EXOC6B: variants seen among roughly 807,000 people sequenced by gnomAD.
EXOC6B encodes the protein exocyst complex component 6B, also known as SEC15 homolog B.
In EXOC6B, 54 loss-of-function variants were observed where a neutral mutation model predicts 113.5. That is an observed-to-expected ratio of 0.48 (90% CI 0.38 to 0.60). The LOEUF (loss-of-function observed/expected upper bound fraction) is 0.60. Ranked by LOEUF, EXOC6B falls within the 20% of genes least tolerant of loss-of-function variation. The pLI is 0.00. For synonymous variants in EXOC6B, 357 were observed against 339.0 expected (o/e 1.05, Z -0.58); for missense variants, 797 against 977.5 (o/e 0.82, Z 2.46).
At chr2:72,556,156 A>G (rs890099774) in intron 8 of EXOC6B, among the ~76,000 whole-genome samples, 1 of 152,214 alleles carries the variant, frequency 6.6e-6, no homozygotes, top group Non-Finnish European at 1.5e-5. Flanking sequence ...GAAATGCTAA[A>G]GGCATTTTTC....
At chr2:72,647,301 T>C (rs922900361) in intron 6 of EXOC6B, among the ~76,000 whole-genome samples, 1 of 152,090 alleles carries the variant, frequency 6.6e-6, no homozygotes, top group Non-Finnish European at 1.5e-5. Flanking sequence ...TGGAAGAACA[T>C]TCAATGCTCA....
chr2:72,634,639 T>A (rs1573525646), intron 6 of EXOC6B, among the ~76,000 whole-genome samples: 1 of 152,102 alleles, frequency 6.6e-6, no homozygotes, highest in South Asian at 2.1e-4. Context: ...CAACAACTGG[T>A]AGAACAATTA....
chr2:72,599,734 T>G (rs566626232), intron 6 of EXOC6B, among the ~76,000 whole-genome samples: 1 of 152,098 alleles, frequency 6.6e-6, no homozygotes, highest in African/African-American at 2.4e-5. Flanking sequence ...CAAAAGTCAG[T>G]TGCTTTACTA....
At chr2:72,444,884 A>T (rs775942164) in intron 18 of EXOC6B, among the ~76,000 whole-genome samples, 1 of 152,204 alleles carries the variant, frequency 6.6e-6, no homozygotes, top group Non-Finnish European at 1.5e-5. Context: ...CATACCCTGG[A>T]GACATTTTTC....
intron 20 of EXOC6B, among the ~76,000 whole-genome samples, chr2:72,285,039 G>T (rs896879288): frequency 6.6e-6 from 1 of 152,028 alleles, no homozygotes; most frequent in African/African-American, 2.4e-5. Flanking sequence ...CAAGATATCA[G>T]TTCTTTCCAA....
chr2:72,372,697 T>C (rs879508160), intron 19 of EXOC6B, among the ~76,000 whole-genome samples: 3 of 151,582 alleles, frequency 2.0e-5, no homozygotes, highest in Non-Finnish European at 4.4e-5. Context: ...TACAAAAAGA[T>C]AGGCGGGTAT....
chr2:72,763,138 A>G (rs999456055), intron 1 of EXOC6B, among the ~76,000 whole-genome samples: 7 of 151,414 alleles, frequency 4.6e-5, no homozygotes, highest in African/African-American at 1.5e-4. Context: ...AAATAAAGAG[A>G]AAAAAAAAGA....
intron 18 of EXOC6B, among the ~76,000 whole-genome samples, chr2:72,451,344 G>C (rs1448364790): frequency 2.0e-5 from 3 of 152,030 alleles, no homozygotes; most frequent in African/African-American, 7.2e-5. Flanking sequence ...CTAATCCTAA[G>C]ATTATTTTTC....
intron 19 of EXOC6B, among the ~76,000 whole-genome samples, chr2:72,371,123 G>T (rs192654056): frequency 3.3e-5 from 5 of 151,196 alleles, no homozygotes; most frequent in East Asian, 3.9e-4. Flanking sequence ...CAGTAGGATA[G>T]GGCACCAGGC....
chr2:72,555,942 G>T (rs146454210), intron 8 of EXOC6B, among the ~76,000 whole-genome samples: 1 of 152,102 alleles, frequency 6.6e-6, no homozygotes, highest in Non-Finnish European at 1.5e-5. Flanking sequence ...CACTGCACCC[G>T]GCCTCAGGCA....
chr2:72,629,787 C>A (rs1672274101), intron 6 of EXOC6B, among the ~76,000 whole-genome samples: 1 of 152,160 alleles, frequency 6.6e-6, no homozygotes. Flanking sequence ...GAATTACCTT[C>A]CAATTTGTAA....
chr2:72,646,893 G>A (rs935640508), intron 6 of EXOC6B, among the ~76,000 whole-genome samples: 7 of 152,144 alleles, frequency 4.6e-5, no homozygotes, highest in African/African-American at 1.4e-4. Context: ...ACTGCCACAA[G>A]ACAGGGATGC....
At chr2:72,557,028 T>C (rs1703584393) in intron 8 of EXOC6B, among the ~76,000 whole-genome samples, 1 of 151,192 alleles carries the variant, frequency 6.6e-6, no homozygotes, top group Admixed American at 6.6e-5. Flanking sequence ...AGAATAAAAA[T>C]CTAAAAAGAT....
intron 20 of EXOC6B, among the ~76,000 whole-genome samples, chr2:72,261,413 G>T (rs927351501): frequency 3.3e-5 from 5 of 152,188 alleles, no homozygotes; most frequent in Admixed American, 6.5e-5. Flanking sequence ...TAGAATCATA[G>T]AGTTGAAGGC....
At chr2:72,217,991 C>G (rs1680642458) in intron 20 of EXOC6B, among the ~76,000 whole-genome samples, 1 of 152,064 alleles carries the variant, frequency 6.6e-6, no homozygotes, top group Admixed American at 6.5e-5. Context: ...TATTAGTAAA[C>G]CCACTTTACA....
chr2:72,321,283 G>C (rs1044465185), intron 20 of EXOC6B, among the ~76,000 whole-genome samples: 6 of 151,986 alleles, frequency 3.9e-5, no homozygotes, highest in Admixed American at 3.3e-4. Context: ...CTTTATTCAC[G>C]ATAAACTTTG....
intron 6 of EXOC6B, among the ~76,000 whole-genome samples, chr2:72,709,577 A>G (rs1370382703): frequency 6.6e-6 from 1 of 152,204 alleles, no homozygotes; most frequent in African/African-American, 2.4e-5. Context: ...ACTGAACTCA[A>G]TGTATAGCTT....
At chr2:72,447,894 A>C (rs1384479608) in intron 18 of EXOC6B, among the ~76,000 whole-genome samples, 1 of 152,188 alleles carries the variant, frequency 6.6e-6, no homozygotes, top group Non-Finnish European at 1.5e-5. Flanking sequence ...ATAACCATTC[A>C]TTGTCTCTCA....
intron 17 of EXOC6B, among the ~76,000 whole-genome samples, chr2:72,472,995 C>CCAA (rs1266724184): frequency 1.3e-5 from 2 of 152,078 alleles, no homozygotes; most frequent in African/African-American, 4.8e-5. Context: ...TCCAATGTTT[C>CCAA]TCTTGGTATT....
Sources: gnomAD v4.1 joint callset for allele counts (sites outside exome capture counted in the v4.1 genomes callset) on GRCh38, gnomAD v4.1.1 for gene constraint, MANE v1.5 for transcripts, NCBI Gene and HGNC (gene_info 2026-07-23, HGNC 2026-07-21) for gene names.